AHI1: variants seen among roughly 807,000 people sequenced by gnomAD.
AHI1 encodes Abelson helper integration site 1.
AHI1 carries 123 observed loss-of-function variants against 149.3 expected under a neutral mutation model. The observed-to-expected ratio is 0.82, with a 90% CI of 0.71 to 0.96. The LOEUF is 0.96. Ranked by LOEUF, AHI1 falls within the 40% of genes least tolerant of loss-of-function variation. AHI1 has a pLI of 0.00. For synonymous variants in AHI1, 475 were observed against 459.8 expected, an observed-to-expected ratio of 1.03 and a Z score of -0.42; for missense variants, 1,439 against 1,422.7, an observed-to-expected ratio of 1.01 and a Z score of -0.18.
At chr6:135,382,485 A>AT (rs1490664436) in intron 23 of AHI1, among the ~76,000 whole-genome samples, 2 of 152,222 alleles carry the variant, frequency 1.3e-5, no homozygotes, top group African/African-American at 4.8e-5. Flanking sequence ...TCCAGAAAAC[A>AT]TTACCAGTAA....
At chr6:135,388,024 A>G in intron 23 of AHI1, 1 of 1,613,856 alleles carries the variant, frequency 6.2e-7, no homozygotes, top group Non-Finnish European at 8.5e-7. Flanking sequence ...GAATTCAGCA[A>G]AGTGACTGTC....
At chr6:135,304,226 A>G (rs753010063) in intron 26 of AHI1, among the ~76,000 whole-genome samples, 9 of 151,718 alleles carry the variant, frequency 5.9e-5, no homozygotes, top group Non-Finnish European at 1.3e-4. Flanking sequence ...AATTTTTTTG[A>G]TTTTTTAGTA....
At chr6:135,407,548 T>A (rs1162700817) in intron 21 of AHI1, among the ~76,000 whole-genome samples, 2 of 152,176 alleles carry the variant, frequency 1.3e-5, no homozygotes, top group Non-Finnish European at 2.9e-5. Context: ...AGCAAAACTT[T>A]CATTTCCAAA....
At chr6:135,387,213 A>G (rs549971781) in intron 23 of AHI1, among the ~76,000 whole-genome samples, 6 of 152,266 alleles carry the variant, frequency 3.9e-5, no homozygotes, top group Non-Finnish European at 8.8e-5. Flanking sequence ...AGGAAAAACT[A>G]CAGGTTGCAA....
At chr6:135,334,353 G>A (rs1333714233) in intron 24 of AHI1, among the ~76,000 whole-genome samples, 1 of 152,114 alleles carries the variant, frequency 6.6e-6, no homozygotes, top group Admixed American at 6.5e-5. Context: ...TTCCACTTGT[G>A]AAGACACAGC....
intron 23 of AHI1, among the ~76,000 whole-genome samples, chr6:135,387,036 C>T (rs1777709836): frequency 6.6e-6 from 1 of 152,134 alleles, no homozygotes; most frequent in South Asian, 2.1e-4. Context: ...GCACATGCCA[C>T]TACACCTGGC....
chr6:135,366,182 A>G (rs1366076224), intron 23 of AHI1, among the ~76,000 whole-genome samples: 1 of 151,870 alleles, frequency 6.6e-6, no homozygotes, highest in East Asian at 1.9e-4. Flanking sequence ...GGATTTGGTT[A>G]GCTAGTATTT....
rs868632679 is a variant in AHI1, at chr6:135,457,142, G to A, written c.1151+352C>T. ...CCACTAAAAATACAAAAATTAGCCA[G>A]GAGTGGTGGCGAGTGCCTGTAATCC... On this transcript the variant is annotated intron_variant, in intron 9 of 28. Transcript: ENST00000265602. Among the ~76,000 whole-genome samples, 46 of 152,306 alleles carry A rather than the reference G, an allele frequency of 3.0e-4. 1 individual carries two copies. Among genetic ancestry groups the A allele is most frequent in the South Asian group, 4.1e-4 (2 of 4,822 alleles).
chr6:135,346,437 T>C (rs1791236201), intron 24 of AHI1, among the ~76,000 whole-genome samples: 1 of 152,024 alleles, frequency 6.6e-6, no homozygotes, highest in Non-Finnish European at 1.5e-5. Context: ...CCTGACCTCG[T>C]GATCTGCCCA....
chr6:135,370,420 C>T (rs781624045), intron 23 of AHI1, among the ~76,000 whole-genome samples: 20 of 152,176 alleles, frequency 1.3e-4, no homozygotes, highest in South Asian at 4.1e-4. Context: ...AACTGATAGG[C>T]GGAGAGGACT....
chr6:135,367,005 T>A lies in AHI1; in HGVS notation c.3110-8818A>T, dbSNP rs1774285034. ...ATTATCATCCAGTTCAAAGAATTTT[T>A]AAATTTCCATCTTGATTTCATTGTT... On this transcript the variant is annotated intron_variant, in intron 23 of 28. Transcript: ENST00000265602. Among the ~76,000 whole-genome samples, 3 of 152,246 alleles carry A rather than the reference T, an allele frequency of 2.0e-5. 1 individual carries two copies. The highest frequency in any genetic ancestry group is 2.0e-4 in the Admixed American group (3 of 15,290).
At chr6:135,288,698 AT>A (rs538244968) in intron 28 of AHI1, among the ~76,000 whole-genome samples, 3 of 152,046 alleles carry the variant, frequency 2.0e-5, no homozygotes, top group Non-Finnish European at 4.4e-5. Context: ...TCATATTTTA[AT>A]CAACCCTTTA....
chr6:135,476,827 A>G (rs1367908955), intron 5 of AHI1, among the ~76,000 whole-genome samples: 1 of 152,108 alleles, frequency 6.6e-6, no homozygotes, highest in Non-Finnish European at 1.5e-5. Context: ...ATATGTTTCC[A>G]TTCTTTAAAT....
chr6:135,291,982 T>C (rs1296171232), intron 27 of AHI1, among the ~76,000 whole-genome samples: 1 of 152,210 alleles, frequency 6.6e-6, no homozygotes, highest in Non-Finnish European at 1.5e-5. Context: ...GGAGGCAGTC[T>C]ATCTCAGCTC....
intron 11 of AHI1, among the ~76,000 whole-genome samples, chr6:135,451,842 C>CT (rs796268276): frequency 0.04 from 5,666 of 142,588 alleles, 210 homozygotes; most frequent in African/African-American, 0.099. Context: ...GAGTTTTTTG[C>CT]TTTTTTTTTT....
At chr6:135,353,987 T>C (rs17064462) in intron 24 of AHI1, among the ~76,000 whole-genome samples, 3,792 of 152,218 alleles carry the variant, frequency 0.025, 153 homozygotes, top group African/African-American at 0.086. Flanking sequence ...TAGAATGCTT[T>C]AAATTCTAAT....
At chr6:135,285,899 T>C (rs1445313602) in intron 28 of AHI1, among the ~76,000 whole-genome samples, 2 of 152,202 alleles carry the variant, frequency 1.3e-5, no homozygotes, top group East Asian at 1.9e-4. Flanking sequence ...GACAGGTTAA[T>C]GTAAGCAAGA....
intron 17 of AHI1, 24 bp downstream of exon 17, chr6:135,431,184 A>C: frequency 6.8e-7 from 1 of 1,463,952 alleles, no homozygotes; most frequent in Non-Finnish European, 9.3e-7. Context: ...ATTAAATCCC[A>C]AAATATAAAA....
intron 27 of AHI1, among the ~76,000 whole-genome samples, chr6:135,297,159 G>A (rs538103832): frequency 1.9e-4 from 29 of 152,334 alleles, no homozygotes; most frequent in African/African-American, 6.3e-4. Flanking sequence ...TCAGGCTCAT[G>A]TAAAATGCTG....
Sources: gnomAD v4.1 joint callset for allele counts (sites outside exome capture counted in the v4.1 genomes callset) on GRCh38, gnomAD v4.1.1 for gene constraint, MANE v1.5 for transcripts, NCBI Gene and HGNC (gene_info 2026-07-23, HGNC 2026-07-21) for gene names.